The following ABCA4 variants were observed in gnomAD, a reference collection of about 807,000 sequenced individuals.
ABCA4 encodes the protein retinal-specific phospholipid-transporting ATPase ABCA4.
A neutral mutation model predicts 263.7 loss-of-function variants in ABCA4; 196 were observed. That is an observed-to-expected ratio of 0.74 (90% CI 0.66 to 0.84). The LOEUF (loss-of-function observed/expected upper bound fraction) is 0.84. Among genes scored for constraint, ABCA4 ranks in the 40% least tolerant of loss-of-function variants. The pLI is 0.00. For synonymous variants in ABCA4, 1,133 were observed against 1,094.2 expected (o/e 1.04, Z -0.70); for missense variants, 2,792 against 2,855.1 (o/e 0.98, Z 0.50).
Position 94,025,038 on chromosome 1 carries a change from C to T in ABCA4, c.4550G>A (p.Arg1517His), listed in dbSNP as rs201523394. The change falls in exon 31 of 50, where the codon CGC becomes CAC. Residue 1517 changes from arginine to histidine, a missense_variant. Transcript: ENST00000370225. ...GGLPPPQRTQ[R>H]STEILQDLTD... Reference sequence around the variant, plus strand: ...CAGGTCTTGTAGAATTTCCGTGCTGCGCTGTGTTCTCTGAGGCAATGAGAC... The same window carrying T: ...CAGGTCTTGTAGAATTTCCGTGCTGTGCTGTGTTCTCTGAGGCAATGAGAC... 27 of 1,614,014 alleles carry T rather than the reference C, an allele frequency of 1.7e-5. No individual in the cohort carries two copies. The highest frequency in any genetic ancestry group is 4.5e-5 in the East Asian group (2 of 44,892).
Position 94,056,587 on chromosome 1 carries a change from C to T in ABCA4, c.2382+14G>A, listed in dbSNP as rs1412323682. On this transcript the variant is annotated intron_variant, in intron 15 of 49. Transcript: ENST00000370225. Reference sequence around the variant, plus strand: ...AAACGTGTTGTAGGACAGGGGCCAGCCCAAGGGCCTCACCACAGCCTTCTT... The same window carrying T: ...AAACGTGTTGTAGGACAGGGGCCAGTCCAAGGGCCTCACCACAGCCTTCTT... 1 of 1,611,360 alleles carries T rather than the reference C, an allele frequency of 6.2e-7. No homozygotes were observed. Among genetic ancestry groups the T allele is most frequent in the African/African-American group, 1.3e-5 (1 of 74,986 alleles).
Position 93,993,203 on chromosome 1 carries a change from C to T in ABCA4, c.*34G>A, listed in dbSNP as rs755828662. 6.2e-7 allele frequency: 1 copy of T among 1,613,804 alleles called. No homozygotes were observed. Among genetic ancestry groups the T allele is most frequent in the East Asian group, 2.2e-5 (1 of 44,868 alleles). On this transcript the variant is annotated 3_prime_UTR_variant, in exon 50 of 50. Transcript: ENST00000370225. ...CCTGCGCCTCCAGCTGCCCAGAGTT[C>T]CTTTCTGGCTGCAGGAACGAGCGGT... is the stretch of plus-strand genomic sequence containing the variant.
chr1:93,998,704 T>G (rs1218173130), intron 47 of ABCA4, among the ~76,000 whole-genome samples: 1 of 147,372 alleles, frequency 6.8e-6, no homozygotes, highest in Non-Finnish European at 1.5e-5. Context: ...GTTTTATTTA[T>G]TTTATTTTAT....
At chr1:94,001,681 C>T (rs759254984) in intron 45 of ABCA4, 177 bp downstream of exon 45, 42 of 927,104 alleles carry the variant, frequency 4.5e-5, no homozygotes, top group African/African-American at 1.1e-4. Flanking sequence ...TGTTTTTCTC[C>T]GGAGCTGTGT....
Position 94,057,965 on chromosome 1 carries a change from T to C in ABCA4, c.2161-1143A>G, listed in dbSNP as rs1167372496. 5.9e-5 allele frequency among the ~76,000 whole-genome samples: 9 copies of C among 152,180 alleles called. No individual in the cohort carries two copies. The South Asian group carries it at 1.7e-3, about 28-fold the overall frequency. On this transcript the variant is annotated intron_variant, in intron 14 of 49. Coordinates refer to ENST00000370225, the MANE Select transcript of ABCA4 (RefSeq NM_000350.3). ...TGAGTTCTGATCAGTTGGCAGTAGT[T>C]CCCTGGAGCTCTGGCTTCCTCTCAT...
In ABCA4 at chr1:94,099,311, G is replaced by A. The variant is rs188627539; in HGVS notation, c.571-320C>T. Reference sequence around the variant, plus strand: ...CAGACCACTAGCCAAAGAATGTGGCGTGTCTCTGGAGGCTGAAGGAGGCAG... The same window carrying A: ...CAGACCACTAGCCAAAGAATGTGGCATGTCTCTGGAGGCTGAAGGAGGCAG... On this transcript the variant is annotated intron_variant, in intron 5 of 49. Transcript: ENST00000370225. Among the ~76,000 whole-genome samples, 456 of 152,292 alleles carry A rather than the reference G, an allele frequency of 3.0e-3. 2 individuals carry two copies. The highest frequency in any genetic ancestry group is 7.7e-3 in the Admixed American group (118 of 15,300).
At position 94,080,474 on chromosome 1, in the gene ABCA4, T is replaced by G; in HGVS notation, c.1099+4A>C. 1.2e-6 allele frequency: 2 copies of G among 1,614,136 alleles called. No homozygotes were observed. The highest frequency in any genetic ancestry group is 1.7e-6 in the Non-Finnish European group (2 of 1,180,006). ...AATTTATAAGCAGGACTCAGAAAAC[T>G]TACTTGTTCTTCTGTCATAAGAATA... On this transcript the variant is annotated splice_donor_region_variant and intron_variant, in intron 8 of 49. Coordinates refer to ENST00000370225, the MANE Select transcript of ABCA4 (RefSeq NM_000350.3).
At chr1:94,060,389 CT>C (rs760623057) in intron 14 of ABCA4, 147 bp downstream of exon 14, 248 of 755,500 alleles carry the variant, frequency 3.3e-4, no homozygotes, top group Non-Finnish European at 6.5e-5. Context: ...CTTTGAGTGT[CT>C]CCCACGTTGG....
chr1:94,108,524 G>A, intron 4 of ABCA4, 53 bp downstream of exon 4: 1 of 1,609,740 alleles, frequency 6.2e-7, no homozygotes, highest in Non-Finnish European at 8.5e-7. Context: ...TATATCTTCA[G>A]TCTCTCCATA....
In ABCA4 at chr1:93,993,214, G is replaced by A. The variant is rs200401067; in HGVS notation, c.*23C>T. 9.8e-4 allele frequency: 1,586 copies of A among 1,613,742 alleles called. 1 individual carries two copies. The highest frequency in any genetic ancestry group is 1.3e-3 in the Non-Finnish European group (1,506 of 1,179,840). On this transcript the variant is annotated 3_prime_UTR_variant, in exon 50 of 50. Coordinates refer to ENST00000370225, the MANE Select transcript of ABCA4 (RefSeq NM_000350.3). Reference sequence around the variant, plus strand: ...AGCTGCCCAGAGTTCCTTTCTGGCTGCAGGAACGAGCGGTGTGAAAGATCA... The same window carrying A: ...AGCTGCCCAGAGTTCCTTTCTGGCTACAGGAACGAGCGGTGTGAAAGATCA...
rs140297207 is a variant in ABCA4 at position 94,057,842 on chromosome 1, A to G, written c.2161-1020T>C. Among the ~76,000 whole-genome samples, 66 of 152,362 alleles carry G rather than the reference A, an allele frequency of 4.3e-4. 1 individual carries two copies. Among genetic ancestry groups the G allele is most frequent in the South Asian group, 3.1e-3 (15 of 4,828 alleles). On this transcript the variant is annotated intron_variant, in intron 14 of 49. Transcript: ENST00000370225. ...GGTTATCTTTTGCTGGAGGCATCCTATGAGGCACTTTACTCTCTGAACACG... is the reference window on the plus strand; with the variant it reads ...GGTTATCTTTTGCTGGAGGCATCCTGTGAGGCACTTTACTCTCTGAACACG...
At chr1:94,108,768 G>C in intron 3 of ABCA4, 52 bp from the exon 4 acceptor site, 1 of 1,598,160 alleles carries the variant, frequency 6.3e-7, no homozygotes. Flanking sequence ...TTTTATAACA[G>C]TAATAATATC....
intron 7 of ABCA4, among the ~76,000 whole-genome samples, chr1:94,082,044 T>C (rs1479084206): frequency 1.3e-5 from 2 of 152,220 alleles, no homozygotes; most frequent in Non-Finnish European, 2.9e-5. Context: ...TCCCTCTCTT[T>C]GTCCACATGC....
chr1:94,060,673 A>G lies in ABCA4; in HGVS notation c.2024T>C (p.Val675Ala). Reference protein sequence around the residue: ...YSVSMTVKSIVLEKELRLKET... With the variant: ...YSVSMTVKSIALEKELRLKET... ...CTTCAGTCGCAACTCCTTCTCCAAG[A>G]CGATGCTCTTCACAGTCATGGAGAC... Residue 675 changes from valine (V) to alanine (A), a missense_variant, in exon 14 of 50, where the codon GTC (valine) becomes GCC (alanine). By Grantham distance (64) the Val-to-Ala change is moderately conservative. Coordinates refer to ENST00000370225, the MANE Select transcript of ABCA4 (RefSeq NM_000350.3). 1 of 1,614,126 alleles carries G rather than the reference A, an allele frequency of 6.2e-7. No homozygotes were observed.
rs1413097229 is a variant in ABCA4 at position 94,007,694 on chromosome 1, A to G, written c.5945T>C (p.Phe1982Ser). ...TGTGGTGTCCCCAGTGAGCATCTTGAATGTGGTTGTTTTGCCGGCACCATT... is the reference window on the plus strand; with the variant it reads ...TGTGGTGTCCCCAGTGAGCATCTTGGATGTGGTTGTTTTGCCGGCACCATT... ...GVNGAGKTTT[F>S]KMLTGDTTVT... is the part of the protein sequence containing the mutation. Residue 1982 changes from phenylalanine to serine, a missense_variant, in exon 43 of 50, where the codon TTC becomes TCC. Transcript: ENST00000370225. 1.2e-6 allele frequency: 2 copies of G among 1,613,976 alleles called. No homozygotes were observed. The highest frequency in any genetic ancestry group is 4.5e-5 in the East Asian group (2 of 44,866).
At chr1:94,005,348 G>A (rs566955539) in intron 44 of ABCA4, 93 bp downstream of exon 44, 122 of 1,484,634 alleles carry the variant, frequency 8.2e-5, no homozygotes, top group Non-Finnish European at 1.1e-4. Context: ...TGAATAGCAC[G>A]CTTCAGTTTC....
intron 22 of ABCA4, among the ~76,000 whole-genome samples, chr1:94,042,483 A>G (rs1021908754): frequency 3.3e-5 from 5 of 152,198 alleles, no homozygotes; most frequent in African/African-American, 1.2e-4. Context: ...CACCTAGAGT[A>G]GCATCCATTA....
intron 14 of ABCA4, among the ~76,000 whole-genome samples, chr1:94,057,687 A>C (rs1661018308): frequency 6.6e-6 from 1 of 152,228 alleles, no homozygotes; most frequent in Admixed American, 6.5e-5. Context: ...AGTAACTTTC[A>C]CATTAACCAA....
Position 94,022,075 on chromosome 1 carries a change from G to A in ABCA4, c.4668-124C>T, listed in dbSNP as rs1357893118. On this transcript the variant is annotated intron_variant, in intron 32 of 49. Transcript: ENST00000370225. The stretch of plus-strand genomic sequence containing the variant: ...ATTGCCTGGACCAGCGAGCAACATG[G>A]CTCCACTTTACAAACCAGCTTTTAA... The A allele has an allele frequency of 1.7e-5, 14 of 806,318 alleles. No homozygotes were observed. In the East Asian group the frequency reaches 3.7e-4, roughly 21 times the overall value. The allele number at this position is 806,318 out of a possible 1,614,324, so 49.9% of individuals were successfully genotyped here.
Sources: gnomAD v4.1 joint callset for allele counts (sites outside exome capture counted in the v4.1 genomes callset) on GRCh38, gnomAD v4.1.1 for gene constraint, MANE v1.5 for transcripts, NCBI Gene and HGNC (gene_info 2026-07-23, HGNC 2026-07-21) for gene names.